Variants in PCDHGA3 observed in about 807,000 individuals in gnomAD.
The protein encoded by PCDHGA3 is protocadherin gamma subfamily A, 3.
Under a neutral mutation model 58.5 loss-of-function variants are expected in PCDHGA3, and 40 were observed. That is an observed-to-expected ratio of 0.68 (90% CI 0.53 to 0.89). The LOEUF (loss-of-function observed/expected upper bound fraction) is 0.89. Ranked by LOEUF, PCDHGA3 falls within the 40% of genes least tolerant of loss-of-function variation. PCDHGA3 has a pLI of 0.00. For missense variants in PCDHGA3, 1,223 were observed against 1,195.9 expected, an observed-to-expected ratio of 1.02 and a Z score of -0.33; for synonymous variants, 530 against 525.7, an observed-to-expected ratio of 1.01 and a Z score of -0.11.
chr5:141,409,862 G>A (rs1359567076), intron 1 of PCDHGA3: 19 of 1,612,352 alleles, frequency 1.2e-5, no homozygotes, highest in Non-Finnish European at 1.5e-5. Flanking sequence ...GTTGGTGGGA[G>A]ACCGCAATGA....
At chr5:141,458,219 C>T (rs2098940224) in intron 1 of PCDHGA3, among the ~76,000 whole-genome samples, 1 of 152,248 alleles carries the variant, frequency 6.6e-6, no homozygotes, top group African/African-American at 2.4e-5. Flanking sequence ...AATAAGTTTC[C>T]TTTCCCAGTC....
intron 1 of PCDHGA3, chr5:141,433,149 C>A (rs758972664): frequency 1.2e-6 from 2 of 1,613,856 alleles, no homozygotes; most frequent in Non-Finnish European, 1.7e-6. Context: ...TCAGGTGATT[C>A]GGTATTTTCT....
At chr5:141,409,847 C>T (rs2095325421) in intron 1 of PCDHGA3, 3 of 1,611,712 alleles carry the variant, frequency 1.9e-6, no homozygotes, top group East Asian at 2.2e-5. Context: ...CGTGAGCCTG[C>T]GCGTGTTGGT....
chr5:141,401,689 A>G (rs2094183367), intron 1 of PCDHGA3, among the ~76,000 whole-genome samples: 1 of 152,222 alleles, frequency 6.6e-6, no homozygotes, highest in Non-Finnish European at 1.5e-5. Context: ...ATGGAAGGTG[A>G]ATACAGGATT....
intron 1 of PCDHGA3, among the ~76,000 whole-genome samples, chr5:141,450,233 G>A (rs2098674391): frequency 6.6e-6 from 1 of 152,026 alleles, no homozygotes; most frequent in Non-Finnish European, 1.5e-5. Flanking sequence ...GGCCAGGCTA[G>A]TCTTGAACTC....
At chr5:141,465,887 C>A (rs1267304672) in intron 1 of PCDHGA3, among the ~76,000 whole-genome samples, 1 of 152,040 alleles carries the variant, frequency 6.6e-6, no homozygotes, top group Non-Finnish European at 1.5e-5. Flanking sequence ...CTTTGGGAGG[C>A]CGAGGCGGGC....
At chr5:141,452,411 A>G (rs965622061) in intron 1 of PCDHGA3, among the ~76,000 whole-genome samples, 8 of 152,200 alleles carry the variant, frequency 5.3e-5, no homozygotes, top group African/African-American at 1.9e-4. Context: ...GGTGTGAGGT[A>G]TGCTCACTGC....
At position 141,486,243 on chromosome 5, in the gene PCDHGA3, G is replaced by A. The variant is rs754924567; in HGVS notation, c.2425-8564G>A. 18 of 1,614,156 alleles carry A rather than the reference G, an allele frequency of 1.1e-5. No individual in the cohort carries two copies. The highest frequency in any genetic ancestry group is 1.4e-5 in the Non-Finnish European group (16 of 1,180,018). ...TACATCACAGTGACCTCAGAGCTTG[G>A]AACCCTCCCCGAGAGTGCAGAACCT... On this transcript the variant is annotated intron_variant, in intron 1 of 3. Coordinates refer to ENST00000253812, the MANE Select transcript of PCDHGA3 (RefSeq NM_018916.4). This position sits in a 1 kb window ranked among gnomAD's most constrained non-coding sequence, Gnocchi z 5.0.
intron 1 of PCDHGA3, chr5:141,394,247 C>A (rs1414649061): frequency 1.2e-6 from 2 of 1,613,854 alleles, no homozygotes; most frequent in African/African-American, 1.3e-5. Flanking sequence ...CTGCACACGA[C>A]CCCGACAGCC....
At chr5:141,365,799 C>G (rs755374983) in intron 1 of PCDHGA3, 1 of 1,613,942 alleles carries the variant, frequency 6.2e-7, no homozygotes, top group South Asian at 1.1e-5. Flanking sequence ...GTCACCTACT[C>G]CCTGGCTGAA....
chr5:141,401,158 A>AT (rs1314149261), intron 1 of PCDHGA3, among the ~76,000 whole-genome samples: 1 of 152,194 alleles, frequency 6.6e-6, no homozygotes, highest in Non-Finnish European at 1.5e-5. Context: ...CCTGGGCAAT[A>AT]TGGTGAAAAC....
rs1289513674 is a variant in PCDHGA3 at position 141,432,063 on chromosome 5, A to T, written c.2425-62744A>T. On this transcript the variant is annotated intron_variant, in intron 1 of 3. Coordinates refer to ENST00000253812, the MANE Select transcript of PCDHGA3 (RefSeq NM_018916.4). The surrounding 1 kb of genome is among the most constrained non-coding windows in gnomAD (Gnocchi z 6.0). ...CGGGGAACCCCGCCCCTATCCACGG[A>T]AACTCATATCTCGCTGAACGTGGCA... The T allele has an allele frequency of 8.7e-6, 14 of 1,614,134 alleles. No individual in the cohort carries two copies. The highest frequency in any genetic ancestry group is 1.2e-5 in the Non-Finnish European group (14 of 1,180,028).
chr5:141,393,414 G>C lies in PCDHGA3; in HGVS notation c.2424+46957G>C, dbSNP rs199973289. 738 of 1,614,038 alleles carry C rather than the reference G, an allele frequency of 4.6e-4. No individual in the cohort carries two copies. The highest frequency in any genetic ancestry group is 5.2e-4 in the Non-Finnish European group (617 of 1,179,898). Reference sequence around the variant, plus strand: ...AGAGCTGGTGCTGGAGCGCGCCCTGGACAGGGAGGAAGAGGCTGCTCACCA... The same window carrying C: ...AGAGCTGGTGCTGGAGCGCGCCCTGCACAGGGAGGAAGAGGCTGCTCACCA... On this transcript the variant is annotated intron_variant, in intron 1 of 3. Coordinates refer to ENST00000253812, the MANE Select transcript of PCDHGA3 (RefSeq NM_018916.4).
chr5:141,413,180 C>CCGCTCAAAGGAAT (rs760676891), intron 1 of PCDHGA3: 75 of 1,602,494 alleles, frequency 4.7e-5, no homozygotes, highest in Non-Finnish European at 6.1e-5. Flanking sequence ...ACTACAATGG[C>CCGCTCAAAGGAAT]CGCTCAAAGG....
rs1588457781 is a variant in PCDHGA3 at position 141,344,170 on chromosome 5, G to A, written c.137G>A (p.Gly46Asp). 2.5e-6 allele frequency: 4 copies of A among 1,614,010 alleles called. No homozygotes were observed. The highest frequency in any genetic ancestry group is 2.7e-5 in the African/African-American group (2 of 75,054). ...SEELDKGSFV[G>D]NIANDLGLEP... ...GAGCTAGATAAAGGTTCCTTCGTGGGCAACATCGCTAACGACCTGGGGCTA... is the reference window on the plus strand; with the variant it reads ...GAGCTAGATAAAGGTTCCTTCGTGGACAACATCGCTAACGACCTGGGGCTA... The change falls in exon 1 of 4, where the codon GGC (glycine) becomes GAC (aspartate). Residue 46 changes from glycine to aspartate, a missense_variant. Physicochemically the swap from Gly to Asp is moderately conservative, Grantham distance 94 (BLOSUM62 -1). Transcript: ENST00000253812.
Position 141,344,017 on chromosome 5 carries a change from G to A in PCDHGA3, c.-17G>A, listed in dbSNP as rs1207500207. On this transcript the variant is annotated 5_prime_UTR_variant, in exon 1 of 4. Coordinates refer to ENST00000253812, the MANE Select transcript of PCDHGA3 (RefSeq NM_018916.4). ...AACTGGAACCGAATTCAGAGAAAGC[G>A]ATTCACCGAAAAGGAAATGACCAAT... is the stretch of plus-strand genomic sequence containing the variant. 6.6e-7 allele frequency: 1 copy of A among 1,517,128 alleles called. No individual in the cohort carries two copies. The highest frequency in any genetic ancestry group is 2.3e-5 in the Admixed American group (1 of 44,412). 94.0% of individuals were successfully genotyped at this position (1,517,128 alleles called of 1,614,324 possible).
At chr5:141,366,388 T>A (rs1764530765) in intron 1 of PCDHGA3, 1 of 1,614,034 alleles carries the variant, frequency 6.2e-7, no homozygotes, top group African/African-American at 1.3e-5. Flanking sequence ...ACCCTGAGGA[T>A]CTGGACCTCA....
Position 141,469,573 on chromosome 5 carries a change from C to CTAAA in PCDHGA3, c.2425-25217_2425-25214dup, listed in dbSNP as rs1209972534. Among the ~76,000 whole-genome samples the CTAAA allele has an allele frequency of 1.4e-4, 21 of 151,674 alleles. No individual in the cohort carries two copies. In the East Asian group the frequency reaches 2.3e-3, roughly 17 times the overall value. On this transcript the variant is annotated intron_variant, in intron 1 of 3. Coordinates refer to ENST00000253812, the MANE Select transcript of PCDHGA3 (RefSeq NM_018916.4). ...CTGGCGACAGAGTGAGACTCTGTCT[C>CTAAA]TAAATAAATAAATAAATAAAACAAA...
chr5:141,381,133 C>A (rs1285338974), intron 1 of PCDHGA3, among the ~76,000 whole-genome samples: 2 of 152,202 alleles, frequency 1.3e-5, no homozygotes, highest in East Asian at 1.9e-4. Context: ...TGGAGCAATG[C>A]CACCAGAAAG....
Sources: allele counts gnomAD v4.1 joint callset (sites outside exome capture counted in the v4.1 genomes callset), GRCh38; gene constraint gnomAD v4.1.1; non-coding constraint Gnocchi (gnomAD v3.1); transcripts MANE v1.5; gene names NCBI Gene and HGNC (gene_info 2026-07-23, HGNC 2026-07-21).